The following ZC3H7B variants were observed in gnomAD, a reference collection of about 807,000 sequenced individuals.
ZC3H7B encodes zinc finger CCCH-type containing 7B.
A neutral mutation model predicts 116.0 loss-of-function variants in ZC3H7B; 35 were observed. The observed-to-expected ratio is 0.30, with a 90% confidence interval of 0.23 to 0.40. The LOEUF (loss-of-function observed/expected upper bound fraction) is 0.40. ZC3H7B is among the 10% of genes least tolerant of loss of function. The pLI, the probability that ZC3H7B is intolerant of heterozygous loss-of-function variation, is 1.00. For synonymous variants in ZC3H7B, 502 were observed against 545.6 expected (o/e 0.92, Z 1.11); for missense variants, 1,011 against 1,321.5 (o/e 0.77, Z 3.64).
chr22:41,321,116 T>C (rs1231517097), intron 2 of ZC3H7B, among the ~76,000 whole-genome samples: 1 of 152,124 alleles, frequency 6.6e-6, no homozygotes, highest in Non-Finnish European at 1.5e-5. Context: ...TTGCCCTGGC[T>C]GGAGTGAATG....
In ZC3H7B at chr22:41,357,352, C is replaced by T. The variant is rs2036734752; in HGVS notation, c.2857C>T (p.Leu953=). 3 of 1,613,496 alleles carry T rather than the reference C, an allele frequency of 1.9e-6. No homozygotes were observed. The highest frequency in any genetic ancestry group is 1.7e-6 in the Non-Finnish European group (2 of 1,179,990). ...CGACTTTGGCAAATACAACTTCCTG[C>T]TGCAAGAGGACGGGGACCTTGCCGG... ...DDDFGKYNFL[L]QEDGDLAGAT... Residue 953 remains leucine, a synonymous_variant, in exon 23 of 23, where the codon CTG becomes TTG. Coordinates refer to ENST00000352645, the MANE Select transcript of ZC3H7B (RefSeq NM_017590.6). This position sits in a 1 kb window ranked among gnomAD's most constrained non-coding sequence, Gnocchi z 5.4.
At chr22:41,332,406 G>T in intron 7 of ZC3H7B, 179 bp downstream of exon 7, 1 of 748,226 alleles carries the variant, frequency 1.3e-6, no homozygotes. Context: ...TGTTGGCAGG[G>T]AGTGGTCATT....
intron 7 of ZC3H7B, chr22:41,332,739 A>C (rs558311445): frequency 8.4e-5 from 13 of 153,914 alleles, no homozygotes; most frequent in Non-Finnish European, 1.9e-4. Context: ...GAAGAGCCCA[A>C]CTGGGCCCTG....
rs942799384 is a variant in ZC3H7B at position 41,358,195 on chromosome 22, G to A, written c.*766G>A. On this transcript the variant is annotated 3_prime_UTR_variant, in exon 23 of 23. Coordinates refer to ENST00000352645, the MANE Select transcript of ZC3H7B (RefSeq NM_017590.6). ...CCACCCACGGTCCCAGCACAAGGCAGAGCTGGGATGAAAACAGGGCTGAAA... is the reference window on the plus strand; with the variant it reads ...CCACCCACGGTCCCAGCACAAGGCAAAGCTGGGATGAAAACAGGGCTGAAA... The A allele has an allele frequency of 1.3e-5, 2 of 152,418 alleles. No individual in the cohort carries two copies. The highest frequency in any genetic ancestry group is 1.9e-4 in the East Asian group (1 of 5,192). The allele number at this position is 152,418 out of a possible 1,614,324, so 9.4% of individuals were successfully genotyped here. A position where few individuals can be genotyped will look rare whatever the true frequency, so the allele number is the denominator to read the frequency against.
At chr22:41,319,687 A>G (rs551480476) in intron 1 of ZC3H7B, among the ~76,000 whole-genome samples, 4 of 151,456 alleles carry the variant, frequency 2.6e-5, no homozygotes, top group African/African-American at 9.7e-5. Context: ...ATATTATGTG[A>G]TATATTTATT....
At chr22:41,321,096 T>A (rs558456836) in intron 2 of ZC3H7B, among the ~76,000 whole-genome samples, 2 of 152,226 alleles carry the variant, frequency 1.3e-5, no homozygotes, top group South Asian at 4.2e-4. Flanking sequence ...TGAGACAGAA[T>A]CTCTCCTTGT....
rs1397934820 is a variant in ZC3H7B, at chr22:41,338,010, G to GGCTCCTGCCACCAT, written c.583-300_583-287dup. On this transcript the variant is annotated intron_variant, in intron 7 of 22. Transcript: ENST00000352645. The surrounding 1 kb of genome is among the most constrained non-coding windows in gnomAD (Gnocchi z 4.5). ...AGCCTCCCAAGTAGCTGGGGTTACA[G>GGCTCCTGCCACCAT]GCTCCTGCCACCATGCCCGACTAAT... Among the ~76,000 whole-genome samples the GGCTCCTGCCACCAT allele has an allele frequency of 6.6e-6, 1 of 152,124 alleles. No homozygotes were observed. The highest frequency in any genetic ancestry group is 1.5e-5 in the Non-Finnish European group (1 of 68,028).
In ZC3H7B at chr22:41,357,511, G is replaced by T; in HGVS notation, c.*82G>T. The stretch of plus-strand genomic sequence containing the variant: ...AGGCCTGATAGAAGGGTCAGGGCAG[G>T]CCAGGGGGGTGGGGGGCCGCCCTCA... On this transcript the variant is annotated 3_prime_UTR_variant, in exon 23 of 23. Coordinates refer to ENST00000352645, the MANE Select transcript of ZC3H7B (RefSeq NM_017590.6). This position sits in a 1 kb window ranked among gnomAD's most constrained non-coding sequence, Gnocchi z 5.4. 3.2e-6 allele frequency: 2 copies of T among 623,394 alleles called. No individual in the cohort carries two copies. Among genetic ancestry groups the T allele is most frequent in the Non-Finnish European group, 5.2e-6 (2 of 385,616 alleles). 38.6% of individuals were successfully genotyped at this position (623,394 alleles called of 1,614,324 possible). A position where few individuals can be genotyped will look rare whatever the true frequency, so the allele number is the denominator to read the frequency against.
chr22:41,338,489 C>A lies in ZC3H7B; in HGVS notation c.625+134C>A. On this transcript the variant is annotated intron_variant, in intron 8 of 22. Transcript: ENST00000352645. The surrounding 1 kb of genome is among the most constrained non-coding windows in gnomAD (Gnocchi z 4.5). ...TTCCCCACCCTGGTACTCCCTGAGG[C>A]ATGGGAGAAAACAGTGGGTTGAGAG... The A allele has an allele frequency of 1.1e-6, 1 of 914,118 alleles. No individual in the cohort carries two copies. Among genetic ancestry groups the A allele is most frequent in the Non-Finnish European group, 1.7e-6 (1 of 592,158 alleles). 56.6% of individuals were successfully genotyped at this position (914,118 alleles called of 1,614,324 possible). A position where few individuals can be genotyped will look rare whatever the true frequency, so the allele number is the denominator to read the frequency against.
At chr22:41,310,065 C>T (rs547346823) in intron 1 of ZC3H7B, among the ~76,000 whole-genome samples, 22 of 152,050 alleles carry the variant, frequency 1.4e-4, no homozygotes, top group Admixed American at 1.3e-3. Context: ...ATTAGCCAGG[C>T]GTGGTGGCGG....
At chr22:41,322,912 G>T (rs904638243) in intron 2 of ZC3H7B, among the ~76,000 whole-genome samples, 1 of 152,136 alleles carries the variant, frequency 6.6e-6, no homozygotes, top group African/African-American at 2.4e-5. Context: ...GATTGCAGGC[G>T]CGTGCTGCTG....
Position 41,338,289 on chromosome 22 carries a change from G to T in ZC3H7B, c.583-24G>T, listed in dbSNP as rs577212012. 1.6e-5 allele frequency: 25 copies of T among 1,609,794 alleles called. No homozygotes were observed. In the African/African-American group the frequency reaches 1.9e-4, roughly 12 times the overall value. On this transcript the variant is annotated intron_variant, in intron 7 of 22. Transcript: ENST00000352645. The surrounding 1 kb of genome is among the most constrained non-coding windows in gnomAD (Gnocchi z 4.5). ...GGATCGGGGCCTTCCCAGCCACAGC[G>T]CCACTGTGGCCCTCTCCCCACAGGG...
rs764172820 is a variant in ZC3H7B at position 41,356,818 on chromosome 22, G to A, written c.2681+10G>A. ...TCCGGCTCTGCGACAGGTGCTCCTG[G>A]GAGGGCAGGGCCTGGCGGGACATGG... On this transcript the variant is annotated intron_variant, in intron 22 of 22. Coordinates refer to ENST00000352645, the MANE Select transcript of ZC3H7B (RefSeq NM_017590.6). 8 of 1,613,064 alleles carry A rather than the reference G, an allele frequency of 5.0e-6. 1 individual carries two copies. Among genetic ancestry groups the A allele is most frequent in the Admixed American group, 1.7e-5 (1 of 60,020 alleles).
At chr22:41,342,312 G>T (rs1027310694) in intron 11 of ZC3H7B, among the ~76,000 whole-genome samples, 4 of 152,188 alleles carry the variant, frequency 2.6e-5, no homozygotes, top group African/African-American at 9.7e-5. Flanking sequence ...CATATGCTGG[G>T]ACCAAGGTGG....
intron 5 of ZC3H7B, among the ~76,000 whole-genome samples, chr22:41,328,235 T>A (rs1411206907): frequency 1.3e-5 from 2 of 152,142 alleles, no homozygotes; most frequent in Non-Finnish European, 2.9e-5. Flanking sequence ...TACTTACTCA[T>A]GAGGAGGACA....
Position 41,359,887 on chromosome 22 carries a change from G to A in ZC3H7B, c.*2458G>A, listed in dbSNP as rs2036765680. On this transcript the variant is annotated 3_prime_UTR_variant, in exon 23 of 23. Coordinates refer to ENST00000352645, the MANE Select transcript of ZC3H7B (RefSeq NM_017590.6). ...TCCCCCCGGCAGGCAGGGACAAGATGGCATGGCAAGCATGGGGGCGGGGTG... is the reference window on the plus strand; with the variant it reads ...TCCCCCCGGCAGGCAGGGACAAGATAGCATGGCAAGCATGGGGGCGGGGTG... 1 of 143,942 alleles carries A rather than the reference G, an allele frequency of 6.9e-6. No individual in the cohort carries two copies. The highest frequency in any genetic ancestry group is 1.5e-5 in the Non-Finnish European group (1 of 65,562). 8.9% of individuals were successfully genotyped at this position (143,942 alleles called of 1,614,324 possible). A position where few individuals can be genotyped will look rare whatever the true frequency, so the allele number is the denominator to read the frequency against.
intron 1 of ZC3H7B, among the ~76,000 whole-genome samples, chr22:41,316,778 G>T (rs1455179931): frequency 6.6e-6 from 1 of 151,864 alleles, no homozygotes; most frequent in Non-Finnish European, 1.5e-5. Flanking sequence ...AGGTTCAAGC[G>T]ATTCTCCTGC....
rs751797936 is a variant in ZC3H7B at position 41,339,993 on chromosome 22, G to C, written c.994G>C (p.Ala332Pro). ...GGTCATGGACCCCTCCAAGAAGCTG[G>C]CCGCCTCTGTGCTGGATGCCCTCGA... ...GLVMDPSKKLAASVLDALDPP... is the reference protein window; with the variant it reads ...GLVMDPSKKLPASVLDALDPP... The change falls in exon 10 of 23, where the codon GCC (alanine) becomes CCC (proline). Residue 332 changes from alanine to proline, a missense_variant. By Grantham distance (27) the Ala-to-Pro change is conservative (BLOSUM62 -1). Around this residue, in one of 5 missense-constraint regions of ZC3H7B, gnomAD observed 322 missense variants for 443.9 expected, o/e 0.73. Coordinates refer to ENST00000352645, the MANE Select transcript of ZC3H7B (RefSeq NM_017590.6). 4 of 1,611,298 alleles carry C rather than the reference G, an allele frequency of 2.5e-6. No homozygotes were observed. In the South Asian group the frequency reaches 4.4e-5, roughly 18 times the overall value.
chr22:41,347,629 G>A (rs1304281275), intron 14 of ZC3H7B, among the ~76,000 whole-genome samples: 4 of 152,090 alleles, frequency 2.6e-5, no homozygotes, highest in South Asian at 2.1e-4. Context: ...GTTTGGTGCC[G>A]CTCAGTCCAA....
Sources: allele counts gnomAD v4.1 joint callset (sites outside exome capture counted in the v4.1 genomes callset), GRCh38; gene constraint gnomAD v4.1.1; regional missense constraint gnomAD v4.1.1; non-coding constraint Gnocchi (gnomAD v3.1); transcripts MANE v1.5; gene names NCBI Gene and HGNC (gene_info 2026-07-23, HGNC 2026-07-21).